CCDC91: variants seen among roughly 807,000 people sequenced by gnomAD.
CCDC91 encodes coiled-coil domain containing 91, also known as coiled-coil domain-containing protein 91.
In CCDC91, 48 loss-of-function variants were observed where a neutral mutation model predicts 63.2. That is an observed-to-expected ratio of 0.76 (90% CI 0.60 to 0.97). The LOEUF (loss-of-function observed/expected upper bound fraction) is 0.97. Ranked by LOEUF, CCDC91 falls within the 50% of genes least tolerant of loss-of-function variation. The pLI, the probability that CCDC91 is intolerant of heterozygous loss-of-function variation, is 0.00. For synonymous variants in CCDC91, 167 were observed against 165.8 expected (o/e 1.01, Z -0.06); for missense variants, 500 against 494.6 (o/e 1.01, Z -0.10).
chr12:28,345,521 C>G (rs2138102948), intron 6 of CCDC91, among the ~76,000 whole-genome samples: 1 of 152,120 alleles, frequency 6.6e-6, no homozygotes, highest in South Asian at 2.1e-4. Flanking sequence ...CACTTACTAT[C>G]TACACTTACT....
chr12:28,402,469 A>G (rs1946679349), intron 8 of CCDC91, among the ~76,000 whole-genome samples: 1 of 140,908 alleles, frequency 7.1e-6, no homozygotes, highest in Admixed American at 7.3e-5. Context: ...ACTTTTTTGT[A>G]TATTATCCTT....
chr12:28,545,086 A>C (rs899926690), intron 12 of CCDC91, among the ~76,000 whole-genome samples: 1 of 152,036 alleles, frequency 6.6e-6, no homozygotes, highest in African/African-American at 2.4e-5. Context: ...AGAAAATGGA[A>C]GAGAAAACAA....
chr12:28,349,941 C>A (rs1287690730), intron 6 of CCDC91, among the ~76,000 whole-genome samples: 8 of 152,108 alleles, frequency 5.3e-5, no homozygotes, highest in African/African-American at 1.7e-4. Context: ...CTTAGGATTC[C>A]TTTTACCTAC....
chr12:28,343,197 AATATATAT>A (rs10566510), intron 6 of CCDC91, among the ~76,000 whole-genome samples: 1 of 145,706 alleles, frequency 6.9e-6, no homozygotes, highest in Non-Finnish European at 1.5e-5. Flanking sequence ...TATATTGTGT[AATATATAT>A]ATATATATAT....
At chr12:28,521,273 G>A (rs1440610094) in intron 12 of CCDC91, among the ~76,000 whole-genome samples, 1 of 152,082 alleles carries the variant, frequency 6.6e-6, no homozygotes, top group African/African-American at 2.4e-5. Context: ...AGTTCTCCTT[G>A]AAGAGGTCCT....
intron 3 of CCDC91, among the ~76,000 whole-genome samples, chr12:28,295,312 T>C (rs1949500204): frequency 1.3e-5 from 2 of 152,130 alleles, no homozygotes; most frequent in African/African-American, 4.8e-5. Context: ...AGTCAAGACT[T>C]TATCTTTTTT....
chr12:28,246,200 G>A lies in CCDC91; in HGVS notation c.-14-11002G>A, dbSNP rs558115907. Among the ~76,000 whole-genome samples, 5 of 152,228 alleles carry A rather than the reference G, an allele frequency of 3.3e-5. No homozygotes were observed. In the South Asian group the frequency reaches 1.0e-3, roughly 32 times the overall value. Reference sequence around the variant, plus strand: ...GATAAAAGTAATATGCTTTTTGGTAGTAAATATAGAAGAGATGAAACATCA... The same window carrying A: ...GATAAAAGTAATATGCTTTTTGGTAATAAATATAGAAGAGATGAAACATCA... On this transcript the variant is annotated intron_variant, in intron 1 of 12. Coordinates refer to ENST00000536442, the MANE Select transcript of CCDC91 (RefSeq NM_018318.5).
chr12:28,350,190 C>G (rs1943089145), intron 6 of CCDC91, among the ~76,000 whole-genome samples: 1 of 152,178 alleles, frequency 6.6e-6, no homozygotes, highest in Admixed American at 6.5e-5. Context: ...AAAACCTATA[C>G]TCTTTTTCAG....
At chr12:28,458,183 T>G (rs1477487109) in intron 11 of CCDC91, among the ~76,000 whole-genome samples, 1 of 152,154 alleles carries the variant, frequency 6.6e-6, no homozygotes, top group Non-Finnish European at 1.5e-5. Flanking sequence ...ACTTCTTTAG[T>G]TTTGATTCAT....
intron 1 of CCDC91, among the ~76,000 whole-genome samples, chr12:28,220,319 C>G (rs146291165): frequency 6.6e-6 from 1 of 151,884 alleles, no homozygotes; most frequent in African/African-American, 2.4e-5. Flanking sequence ...ACATCTTTAA[C>G]GTATTAGTCC....
intron 8 of CCDC91, among the ~76,000 whole-genome samples, chr12:28,446,767 A>T (rs1185488694): frequency 2.6e-5 from 4 of 152,150 alleles, no homozygotes; most frequent in Admixed American, 1.3e-4. Context: ...GTGCGGCCTC[A>T]AAAAACTATA....
At chr12:28,548,083 A>G (rs1204712960) in intron 12 of CCDC91, among the ~76,000 whole-genome samples, 2 of 152,084 alleles carry the variant, frequency 1.3e-5, no homozygotes, top group African/African-American at 2.4e-5. Context: ...TTCTTCTTAT[A>G]TTCAATAATG....
At chr12:28,320,105 A>G (rs114398937) in intron 6 of CCDC91, among the ~76,000 whole-genome samples, 2,344 of 152,080 alleles carry the variant, frequency 0.015, 61 homozygotes, top group African/African-American at 0.054. Context: ...TATTATAATT[A>G]TGATACTTTT....
chr12:28,349,413 C>T (rs1169913631), intron 6 of CCDC91, among the ~76,000 whole-genome samples: 1 of 152,160 alleles, frequency 6.6e-6, no homozygotes, highest in Non-Finnish European at 1.5e-5. Flanking sequence ...TGTTTATTGT[C>T]AGCCCTCTCC....
intron 8 of CCDC91, among the ~76,000 whole-genome samples, chr12:28,403,136 A>G (rs1468690189): frequency 1.3e-5 from 2 of 152,156 alleles, no homozygotes; most frequent in Admixed American, 6.5e-5. Context: ...TGGTTTTGAC[A>G]TTAGGGTAAT....
At chr12:28,325,525 T>C (rs115536161) in intron 6 of CCDC91, among the ~76,000 whole-genome samples, 1,813 of 151,936 alleles carry the variant, frequency 0.012, 38 homozygotes, top group African/African-American at 0.042. Context: ...AGAAAGTGAA[T>C]AAGTGATGAA....
At chr12:28,464,934 AGCCCTGG>A (rs1950479970) in intron 11 of CCDC91, among the ~76,000 whole-genome samples, 1 of 152,188 alleles carries the variant, frequency 6.6e-6, no homozygotes, top group Non-Finnish European at 1.5e-5. Flanking sequence ...TTTCTGGAAC[AGCCCTGG>A]GCCAGAGGAG....
At chr12:28,295,674 G>C (rs1263320285) in intron 3 of CCDC91, among the ~76,000 whole-genome samples, 1 of 152,062 alleles carries the variant, frequency 6.6e-6, no homozygotes, top group African/African-American at 2.4e-5. Flanking sequence ...TTAGATAAAT[G>C]AGTCCAATAA....
chr12:28,232,302 T>A (rs1256496618), intron 1 of CCDC91, among the ~76,000 whole-genome samples: 1 of 152,180 alleles, frequency 6.6e-6, no homozygotes, highest in Non-Finnish European at 1.5e-5. Context: ...CACAAGCCTC[T>A]TACTGGTCTT....
Sources: allele counts gnomAD v4.1 joint callset (sites outside exome capture counted in the v4.1 genomes callset), GRCh38; gene constraint gnomAD v4.1.1; transcripts MANE v1.5; gene names NCBI Gene and HGNC (gene_info 2026-07-23, HGNC 2026-07-21).